The following ATL1 variants were observed in gnomAD, a reference collection of about 807,000 sequenced individuals.
ATL1 encodes the protein atlastin GTPase 1.
Under a neutral mutation model 75.5 loss-of-function variants are expected in ATL1, and 31 were observed. That is an observed-to-expected ratio of 0.41 (90% CI 0.31 to 0.55). ATL1 has a LOEUF of 0.55. Ranked by LOEUF, ATL1 falls within the 20% of genes least tolerant of loss-of-function variation. ATL1 has a pLI of 0.27. For missense variants in ATL1, 405 were observed against 662.6 expected, an observed-to-expected ratio of 0.61 and a Z score of 4.27; for synonymous variants, 226 against 233.3, an observed-to-expected ratio of 0.97 and a Z score of 0.28.
At chr14:50,564,699 C>T (rs1264601943) in intron 1 of ATL1, among the ~76,000 whole-genome samples, 2 of 120,072 alleles carry the variant, frequency 1.7e-5, no homozygotes, top group Non-Finnish European at 3.5e-5. Flanking sequence ...GGAAAAAGAA[C>T]GATAGTATTC....
intron 1 of ATL1, 122 bp downstream of exon 1, chr14:50,560,421 G>C: frequency 1.5e-6 from 2 of 1,310,028 alleles, no homozygotes; most frequent in Non-Finnish European, 2.1e-6. Flanking sequence ...CTGGGAGACG[G>C]GCCGTAGCCG....
intron 1 of ATL1, 27 bp downstream of exon 1, chr14:50,560,326 G>T: frequency 6.2e-7 from 1 of 1,612,684 alleles, no homozygotes; most frequent in Non-Finnish European, 8.5e-7. Context: ...AACTTCTGCA[G>T]CCTGCACGGG....
chr14:50,591,583 A>G lies in ATL1; in HGVS notation c.466A>G (p.Thr156Ala). The change falls in exon 4 of 14, where the codon ACT becomes GCT. Residue 156 changes from threonine to alanine, a missense_variant. Physicochemically the swap from Thr to Ala is moderately conservative, Grantham distance 58 (BLOSUM62 0). Around this residue, in one of 5 missense-constraint regions of ATL1, gnomAD observed 59 missense variants for 161.4 expected, o/e 0.37. Coordinates refer to ENST00000358385, the MANE Select transcript of ATL1 (RefSeq NM_015915.5). ...TCAGGGAACCTTTGATAGTCAGTCA[A>G]CTTTGAGAGATTCAGCCACAGTATT... ...DTQGTFDSQSTLRDSATVFAL... is the reference protein window; with the variant it reads ...DTQGTFDSQSALRDSATVFAL... 1.2e-6 allele frequency: 2 copies of G among 1,613,746 alleles called. No homozygotes were observed. Among genetic ancestry groups the G allele is most frequent in the Non-Finnish European group, 1.7e-6 (2 of 1,179,790 alleles).
intron 8 of ATL1, among the ~76,000 whole-genome samples, chr14:50,618,335 A>G (rs2039433958): frequency 6.6e-6 from 1 of 152,212 alleles, no homozygotes; most frequent in Non-Finnish European, 1.5e-5. Context: ...CATAAATACA[A>G]ATATCAGTAT....
chr14:50,534,640 A>G (rs2038469980), intron 1 of ATL1, among the ~76,000 whole-genome samples: 1 of 152,236 alleles, frequency 6.6e-6, no homozygotes, highest in Non-Finnish European at 1.5e-5. Context: ...TTGACCATCA[A>G]CCTAGAGGCA....
chr14:50,552,407 G>A (rs2038713855), intron 1 of ATL1, among the ~76,000 whole-genome samples: 1 of 152,144 alleles, frequency 6.6e-6, no homozygotes. Context: ...CTCATGAATA[G>A]GTAGAATCAA....
At chr14:50,544,324 A>T (rs2038601347) in intron 1 of ATL1, among the ~76,000 whole-genome samples, 1 of 152,228 alleles carries the variant, frequency 6.6e-6, no homozygotes, top group African/African-American at 2.4e-5. Context: ...TTACTATCAG[A>T]ACCACAATTT....
chr14:50,544,262 A>T (rs142690900), intron 1 of ATL1, among the ~76,000 whole-genome samples: 70 of 152,356 alleles, frequency 4.6e-4, no homozygotes, highest in African/African-American at 1.6e-3. Flanking sequence ...AGTGGAAGCC[A>T]TGATGATCAC....
intron 5 of ATL1, 101 bp downstream of exon 5, chr14:50,593,997 T>C: frequency 1.1e-6 from 1 of 937,190 alleles, no homozygotes. Flanking sequence ...ATTCTGATTC[T>C]GCTGTTTAAA....
chr14:50,561,918 G>C (rs1349161195), intron 1 of ATL1, among the ~76,000 whole-genome samples: 2 of 152,074 alleles, frequency 1.3e-5, no homozygotes, highest in Non-Finnish European at 2.9e-5. Context: ...AGTCACTTTT[G>C]GTCTCAGTCT....
chr14:50,625,405 T>C (rs1014014878), intron 11 of ATL1, among the ~76,000 whole-genome samples: 4 of 152,216 alleles, frequency 2.6e-5, no homozygotes, highest in African/African-American at 4.8e-5. Flanking sequence ...CCAGAAGATC[T>C]ACCTGAGATC....
Position 50,614,402 on chromosome 14 carries a change from G to A in ATL1, c.753G>A (p.Gln251=). The A allele has an allele frequency of 1.2e-6, 2 of 1,614,040 alleles. No homozygotes were observed. The highest frequency in any genetic ancestry group is 1.7e-6 in the Non-Finnish European group (2 of 1,179,938). ...KVSGNQHEEL[Q]NVRKHIHSCF... ...CAGGGAACCAGCATGAAGAACTACA[G>A]AACGTCAGAAAACACATCCATTCCT... Residue 251 remains glutamine, a synonymous_variant, in exon 8 of 14, where the codon CAG becomes CAA. Coordinates refer to ENST00000358385, the MANE Select transcript of ATL1 (RefSeq NM_015915.5).
intron 1 of ATL1, among the ~76,000 whole-genome samples, chr14:50,552,135 A>G (rs1267765868): frequency 6.6e-6 from 1 of 152,220 alleles, no homozygotes; most frequent in Non-Finnish European, 1.5e-5. Flanking sequence ...CCAAAAATCT[A>G]GACCTGATAA....
At chr14:50,579,264 C>T (rs1566720267) in intron 1 of ATL1, among the ~76,000 whole-genome samples, 1 of 152,126 alleles carries the variant, frequency 6.6e-6, no homozygotes, top group Admixed American at 6.5e-5. Context: ...CTTTTCTTAT[C>T]TATTGCAGTG....
chr14:50,544,042 T>C (rs1287511297), intron 1 of ATL1, among the ~76,000 whole-genome samples: 3 of 152,192 alleles, frequency 2.0e-5, no homozygotes, highest in Non-Finnish European at 2.9e-5. Context: ...ATGGGGAAAT[T>C]GGTTATTGCT....
intron 1 of ATL1, among the ~76,000 whole-genome samples, chr14:50,550,069 G>A (rs2038682502): frequency 6.6e-6 from 1 of 152,202 alleles, no homozygotes; most frequent in South Asian, 2.1e-4. Flanking sequence ...GGTGAATGAA[G>A]GCTGCTGGAG....
chr14:50,596,799 C>T (rs2039221862), intron 6 of ATL1, among the ~76,000 whole-genome samples: 1 of 151,930 alleles, frequency 6.6e-6, no homozygotes, highest in South Asian at 2.1e-4. Context: ...AGAAAACACA[C>T]ATATTGAACA....
At chr14:50,590,562 T>C (rs2039146362) in intron 2 of ATL1, among the ~76,000 whole-genome samples, 1 of 152,224 alleles carries the variant, frequency 6.6e-6, no homozygotes, top group African/African-American at 2.4e-5. Context: ...ACATCCTATG[T>C]GGTCTTGCCT....
intron 1 of ATL1, among the ~76,000 whole-genome samples, chr14:50,577,305 GC>G (rs1319428624): frequency 6.6e-6 from 1 of 151,894 alleles, no homozygotes; most frequent in Non-Finnish European, 1.5e-5. Flanking sequence ...TTCGTGATCT[GC>G]CCCGCCTTGG....
Sources: allele counts gnomAD v4.1 joint callset (sites outside exome capture counted in the v4.1 genomes callset), GRCh38; gene constraint gnomAD v4.1.1; regional missense constraint gnomAD v4.1.1; transcripts MANE v1.5; gene names NCBI Gene and HGNC (gene_info 2026-07-23, HGNC 2026-07-21).